Variants in IQSEC1 observed in about 807,000 individuals in gnomAD.
The protein encoded by IQSEC1 is IQ motif and Sec7 domain ArfGEF 1, also known as IQ motif and SEC7 domain-containing protein 1.
IQSEC1 carries 31 observed loss-of-function variants against 91.0 expected under a neutral mutation model. That is an observed-to-expected ratio of 0.34 (90% CI 0.26 to 0.46). The LOEUF (loss-of-function observed/expected upper bound fraction) is 0.46. IQSEC1 is among the 20% of genes least tolerant of loss of function. The probability of loss-of-function intolerance (pLI) is 1.00; values close to 1 mark genes in which losing one functional copy is unlikely to be tolerated. For synonymous variants in IQSEC1, 699 were observed against 662.6 expected (o/e 1.05, Z -0.84); for missense variants, 1,388 against 1,575.6 (o/e 0.88, Z 2.02).
chr3:13,232,800 G>T (rs1003300106), intron 1 of IQSEC1, among the ~76,000 whole-genome samples: 1 of 152,176 alleles, frequency 6.6e-6, no homozygotes, highest in Non-Finnish European at 1.5e-5. Context: ...CCTTGGAATC[G>T]AATCCAACCA....
Position 12,992,352 on chromosome 3 carries a change from T to C in IQSEC1, c.24-50487A>G, listed in dbSNP as rs1405922597. Among the ~76,000 whole-genome samples the C allele has an allele frequency of 1.2e-5, 1 of 85,960 alleles. No individual in the cohort carries two copies. Among genetic ancestry groups the C allele is most frequent in the Non-Finnish European group, 2.2e-5 (1 of 44,894 alleles). The allele number at this position is 85,960 out of a possible 152,430, so 56.4% of individuals were successfully genotyped here. A position where few individuals can be genotyped will look rare whatever the true frequency, so the allele number is the denominator to read the frequency against. ...ATCTTTTCCTGTGGGGGGTGGGGGG[T>C]GGGAGGAGATGGCACCGCTAAGGCA... On this transcript the variant is annotated intron_variant, in intron 1 of 13. Coordinates refer to ENST00000613206, the MANE Select transcript of IQSEC1 (RefSeq NM_001134382.3). This position sits in a 1 kb window ranked among gnomAD's most constrained non-coding sequence, Gnocchi z 4.1.
intron 2 of IQSEC1, among the ~76,000 whole-genome samples, chr3:13,136,796 T>C (rs940613364): frequency 6.6e-6 from 1 of 152,094 alleles, no homozygotes; most frequent in Non-Finnish European, 1.5e-5. Context: ...TCGGGTGGAA[T>C]ACGGAAGTAC....
At chr3:12,916,215 G>T (rs1193740075) in intron 6 of IQSEC1, among the ~76,000 whole-genome samples, 1 of 152,150 alleles carries the variant, frequency 6.6e-6, no homozygotes, top group Non-Finnish European at 1.5e-5. Flanking sequence ...CATGCTTGGT[G>T]TCCTCCTCTA....
intron 1 of IQSEC1, among the ~76,000 whole-genome samples, chr3:13,192,566 G>A (rs1056338280): frequency 2.0e-4 from 31 of 152,192 alleles, no homozygotes; most frequent in African/African-American, 5.8e-4. Context: ...GGCAGGAAGC[G>A]CCAGGACCAC....
At chr3:13,261,893 C>T (rs1695395472) in intron 1 of IQSEC1, among the ~76,000 whole-genome samples, 1 of 152,230 alleles carries the variant, frequency 6.6e-6, no homozygotes, top group Non-Finnish European at 1.5e-5. Context: ...AAATGCCGTG[C>T]TCTGGGATTT....
rs116367729 is a variant in IQSEC1 at position 12,940,277 on chromosome 3, C to T, written c.318+1294G>A. ...CTTCCCTGTCAAGAGAGTGGACGAC[C>T]CCCAACCCCAGGCAGTATCTGCACC... is the stretch of plus-strand genomic sequence containing the variant. On this transcript the variant is annotated intron_variant, in intron 2 of 13. Coordinates refer to ENST00000613206, the MANE Select transcript of IQSEC1 (RefSeq NM_001134382.3). The surrounding 1 kb of genome is among the most constrained non-coding windows in gnomAD (Gnocchi z 4.4). 5.9e-3 allele frequency among the ~76,000 whole-genome samples: 903 copies of T among 152,034 alleles called. 7 individuals carry two copies. The highest frequency in any genetic ancestry group is 0.02 in the Middle Eastern group (6 of 294).
intron 1 of IQSEC1, among the ~76,000 whole-genome samples, chr3:13,230,811 G>C (rs1694828087): frequency 1.3e-5 from 2 of 152,192 alleles, no homozygotes; most frequent in Admixed American, 6.5e-5. Context: ...GCTGAACTAA[G>C]AAAGAAGACC....
chr3:13,085,483 A>G (rs1185726436), intron 2 of IQSEC1, among the ~76,000 whole-genome samples: 2 of 152,124 alleles, frequency 1.3e-5, no homozygotes, highest in African/African-American at 4.8e-5. Context: ...CTGACGTAAG[A>G]AGGATAGTGT....
In IQSEC1 at chr3:12,966,580, T is replaced by C. The variant is rs781151988; in HGVS notation, c.24-24715A>G. On this transcript the variant is annotated intron_variant, in intron 1 of 13. Coordinates refer to ENST00000613206, the MANE Select transcript of IQSEC1 (RefSeq NM_001134382.3). ...CTTTCTCTCCATAAACACGGGCCCT[T>C]GGAAGCTCAGACAGCCGCCCACAGG... Among the ~76,000 whole-genome samples the C allele has an allele frequency of 5.3e-5, 8 of 152,118 alleles. No homozygotes were observed. In the East Asian group the frequency reaches 1.6e-3, roughly 29 times the overall value.
chr3:13,018,911 G>A (rs1703267566), intron 1 of IQSEC1, among the ~76,000 whole-genome samples: 1 of 152,192 alleles, frequency 6.6e-6, no homozygotes, highest in South Asian at 2.1e-4. Flanking sequence ...CCTGATTTCT[G>A]AGCCTGTGTG....
intron 1 of IQSEC1, among the ~76,000 whole-genome samples, chr3:13,000,840 C>G (rs1702390080): frequency 6.6e-6 from 1 of 152,190 alleles, no homozygotes; most frequent in African/African-American, 2.4e-5. Flanking sequence ...GATACTTTAT[C>G]CAAACTATCT....
intron 2 of IQSEC1, among the ~76,000 whole-genome samples, chr3:13,092,631 G>A (rs555082260): frequency 6.6e-6 from 1 of 152,262 alleles, no homozygotes; most frequent in East Asian, 1.9e-4. Context: ...GCTAAATAAT[G>A]GGAGAAGTCA....
chr3:12,995,086 C>T (rs953017947), intron 1 of IQSEC1: 2 of 152,282 alleles, frequency 1.3e-5, no homozygotes, highest in Admixed American at 1.3e-4. Context: ...GCCGGAACCC[C>T]GCCGGTCTGG....
chr3:13,222,811 C>T (rs145169336), intron 1 of IQSEC1, among the ~76,000 whole-genome samples: 103 of 152,314 alleles, frequency 6.8e-4, no homozygotes, highest in African/African-American at 2.2e-3. Flanking sequence ...GTGTGGGGCC[C>T]CAGACCCTCT....
At chr3:13,083,099 TG>T (rs928942051) in intron 2 of IQSEC1, among the ~76,000 whole-genome samples, 3 of 152,202 alleles carry the variant, frequency 2.0e-5, no homozygotes, top group African/African-American at 7.2e-5. Context: ...GTGAGCCTGG[TG>T]GGGGCAAGGA....
chr3:13,076,370 A>G (rs460970), upstream of IQSEC1, among the ~76,000 whole-genome samples: 99,662 of 152,016 alleles, frequency 0.66, 32,944 homozygotes, highest in East Asian at 0.81. Context: ...CCAAGGGGTA[A>G]GTCCAGAAAC....
intron 1 of IQSEC1, among the ~76,000 whole-genome samples, chr3:13,224,503 C>T (rs1320744901): frequency 6.6e-6 from 1 of 152,136 alleles, no homozygotes; most frequent in East Asian, 1.9e-4. Flanking sequence ...AGCCTTGTGA[C>T]ATCCTCTCAG....
At chr3:13,006,722 G>A (rs547722375) in intron 1 of IQSEC1, among the ~76,000 whole-genome samples, 2 of 152,206 alleles carry the variant, frequency 1.3e-5, no homozygotes, top group African/African-American at 2.4e-5. Context: ...GCCCACCCAC[G>A]GCCCCAGGAG....
intron 1 of IQSEC1, among the ~76,000 whole-genome samples, chr3:13,253,846 T>A (rs1695241266): frequency 6.6e-6 from 1 of 152,128 alleles, no homozygotes; most frequent in Non-Finnish European, 1.5e-5. Context: ...TCGGTGGTTA[T>A]GTCAAATGGC....
Sources: allele counts gnomAD v4.1 joint callset (sites outside exome capture counted in the v4.1 genomes callset), GRCh38; gene constraint gnomAD v4.1.1; non-coding constraint Gnocchi (gnomAD v3.1); transcripts MANE v1.5; gene names NCBI Gene and HGNC (gene_info 2026-07-23, HGNC 2026-07-21).